FRMD4A: variants seen among roughly 807,000 people sequenced by gnomAD.
The protein encoded by FRMD4A is FERM domain-containing protein 4A.
A neutral mutation model predicts 129.1 loss-of-function variants in FRMD4A; 29 were observed. That is an observed-to-expected ratio of 0.22 (90% CI 0.17 to 0.31). FRMD4A has a LOEUF of 0.31. Among genes scored for constraint, FRMD4A ranks in the 10% least tolerant of loss-of-function variants. The pLI is 1.00. For synonymous variants in FRMD4A, 634 were observed against 571.6 expected (o/e 1.11, Z -1.56); for missense variants, 1,272 against 1,375.8 (o/e 0.92, Z 1.19).
intron 6 of FRMD4A, among the ~76,000 whole-genome samples, chr10:13,766,923 A>G (rs112295258): frequency 0.028 from 4,274 of 152,138 alleles, 88 homozygotes; most frequent in Middle Eastern, 0.065. Flanking sequence ...AAACACAAAA[A>G]TTAGTTGGGC....
At chr10:14,104,582 C>T (rs1837486433) in intron 2 of FRMD4A, among the ~76,000 whole-genome samples, 2 of 152,214 alleles carry the variant, frequency 1.3e-5, no homozygotes, top group Non-Finnish European at 2.9e-5. Context: ...GTGGCCCTGG[C>T]CCCATCTGTG....
At chr10:14,031,976 A>C (rs1201876622) in intron 2 of FRMD4A, among the ~76,000 whole-genome samples, 1 of 151,990 alleles carries the variant, frequency 6.6e-6, no homozygotes, top group Non-Finnish European at 1.5e-5. Context: ...GAAATATTCT[A>C]AGTTTTTAAT....
rs145109519 is a variant in FRMD4A, at chr10:13,901,198, T to C, written c.46-42286A>G. On this transcript the variant is annotated intron_variant, in intron 2 of 24. Transcript: ENST00000357447. ...TGTGTTCCTCAACCCTCAGGCATGG[T>C]CGAGTATTAGGTGGTATTGCGTCCC... Among the ~76,000 whole-genome samples, 159 of 152,312 alleles carry C rather than the reference T, an allele frequency of 1.0e-3. 1 individual carries two copies. Among genetic ancestry groups the C allele is most frequent in the African/African-American group, 3.6e-3 (148 of 41,570 alleles).
chr10:14,039,379 C>CTATCTATCT (rs1565204362), intron 2 of FRMD4A, among the ~76,000 whole-genome samples: 3 of 111,002 alleles, frequency 2.7e-5, no homozygotes, highest in East Asian at 2.1e-4. Flanking sequence ...TCCATCCATC[C>CTATCTATCT]ATCCATCCAT....
intron 2 of FRMD4A, among the ~76,000 whole-genome samples, chr10:14,130,709 T>C (rs1489221500): frequency 1.3e-5 from 2 of 152,362 alleles, no homozygotes; most frequent in Non-Finnish European, 2.9e-5. Context: ...ACCTAAAAAC[T>C]GTACATAAGC....
intron 2 of FRMD4A, among the ~76,000 whole-genome samples, chr10:14,041,134 T>C (rs139313416): frequency 6.6e-6 from 1 of 152,350 alleles, no homozygotes; most frequent in African/African-American, 2.4e-5. Context: ...TATGGGGTTA[T>C]ACTCGTTTCT....
chr10:14,300,261 T>C (rs1012537104), intron 2 of FRMD4A, among the ~76,000 whole-genome samples: 1 of 152,128 alleles, frequency 6.6e-6, no homozygotes, highest in Non-Finnish European at 1.5e-5. Flanking sequence ...TCTGTAACAG[T>C]CAACTCTGAA....
intron 4 of FRMD4A, among the ~76,000 whole-genome samples, chr10:13,799,801 G>A (rs1404950621): frequency 1.3e-5 from 2 of 152,088 alleles, no homozygotes. Context: ...TAAGTCTGGG[G>A]TTTCTTTCAA....
rs559532567 is a variant in FRMD4A at position 13,644,414 on chromosome 10, G to A, written c.*2624C>T. The A allele has an allele frequency of 1.3e-5, 2 of 152,326 alleles. No individual in the cohort carries two copies. Among genetic ancestry groups the A allele is most frequent in the Admixed American group, 6.5e-5 (1 of 15,296 alleles). 9.4% of individuals were successfully genotyped at this position (152,326 alleles called of 1,614,324 possible). Reference sequence around the variant, plus strand: ...AGGACTAACGTTTTATGTACATTTTGTATTAACTGAACTCAGCTAAACAGT... The same window carrying A: ...AGGACTAACGTTTTATGTACATTTTATATTAACTGAACTCAGCTAAACAGT... On this transcript the variant is annotated 3_prime_UTR_variant, in exon 25 of 25. Coordinates refer to ENST00000357447, the MANE Select transcript of FRMD4A (RefSeq NM_018027.5).
chr10:13,792,408 T>C (rs1023400198), intron 5 of FRMD4A, among the ~76,000 whole-genome samples: 1 of 152,036 alleles, frequency 6.6e-6, no homozygotes, highest in Non-Finnish European at 1.5e-5. Context: ...AAATGCCACA[T>C]TGGAGGAGGA....
chr10:14,276,474 T>G (rs1336667116), intron 2 of FRMD4A, among the ~76,000 whole-genome samples: 1 of 152,198 alleles, frequency 6.6e-6, no homozygotes, highest in Non-Finnish European at 1.5e-5. Context: ...GTGGGAAATC[T>G]CCCTTGAGAA....
chr10:14,193,991 C>A (rs533584741), intron 2 of FRMD4A, among the ~76,000 whole-genome samples: 1 of 152,264 alleles, frequency 6.6e-6, no homozygotes, highest in Admixed American at 6.5e-5. Flanking sequence ...CCATGAAGAT[C>A]AGACTTTAAG....
At chr10:14,257,851 G>A (rs552790316) in intron 2 of FRMD4A, among the ~76,000 whole-genome samples, 3 of 152,206 alleles carry the variant, frequency 2.0e-5, no homozygotes, top group Non-Finnish European at 2.9e-5. Context: ...CAGACTTCCA[G>A]CTTCCAGAAC....
intron 2 of FRMD4A, among the ~76,000 whole-genome samples, chr10:14,006,762 G>A (rs2095663674): frequency 2.0e-5 from 3 of 152,138 alleles, no homozygotes; most frequent in Admixed American, 6.5e-5. Flanking sequence ...ACACTCAATA[G>A]CAGCCTGATC....
intron 2 of FRMD4A, among the ~76,000 whole-genome samples, chr10:13,908,566 A>G (rs1269355262): frequency 6.6e-6 from 1 of 152,230 alleles, no homozygotes; most frequent in South Asian, 2.1e-4. Flanking sequence ...CCATGGTGCA[A>G]ATATACCACA....
intron 2 of FRMD4A, among the ~76,000 whole-genome samples, chr10:14,305,643 CTA>C (rs1564453459): frequency 1.3e-5 from 2 of 151,950 alleles, no homozygotes; most frequent in East Asian, 1.9e-4. Context: ...GAGTGAGACT[CTA>C]TAAAAATTCT....
At chr10:13,948,500 C>T (rs2941683) in intron 2 of FRMD4A, among the ~76,000 whole-genome samples, 100,476 of 151,876 alleles carry the variant, frequency 0.66, 34,354 homozygotes, top group East Asian at 0.97. Flanking sequence ...GATGGATAAA[C>T]GGAATGAAGG....
intron 17 of FRMD4A, among the ~76,000 whole-genome samples, chr10:13,666,975 A>C (rs1465369618): frequency 1.4e-4 from 20 of 144,088 alleles, no homozygotes; most frequent in Non-Finnish European, 2.5e-4. Context: ...GCACTGGTGC[A>C]ATCTCTGCTC....
In FRMD4A at chr10:13,727,530, C is replaced by T. The variant is rs897046614; in HGVS notation, c.759+10314G>A. 3.9e-5 allele frequency among the ~76,000 whole-genome samples: 6 copies of T among 152,146 alleles called. No individual in the cohort carries two copies. The South Asian group carries it at 6.2e-4, about 16-fold the overall frequency. On this transcript the variant is annotated intron_variant, in intron 12 of 24. Coordinates refer to ENST00000357447, the MANE Select transcript of FRMD4A (RefSeq NM_018027.5). ...TTCCGAGTTTCGTCTAGGTTGAGGG[C>T]GCCATGTTGGGACTGCATCAGCTTC...
Sources: gnomAD v4.1 joint callset for allele counts (sites outside exome capture counted in the v4.1 genomes callset) on GRCh38, gnomAD v4.1.1 for gene constraint, MANE v1.5 for transcripts, NCBI Gene and HGNC (gene_info 2026-07-23, HGNC 2026-07-21) for gene names.